LIMS1: variants seen among roughly 807,000 people sequenced by gnomAD.
LIMS1 encodes LIM zinc finger domain containing 1.
LIMS1 carries 18 observed loss-of-function variants against 44.1 expected under a neutral mutation model. The ratio of observed to expected loss-of-function variants is 0.41; its 90% CI spans 0.28 to 0.61. The LOEUF (loss-of-function observed/expected upper bound fraction) is 0.61, where lower values mean the gene tolerates loss of function less well. Ranked by LOEUF, LIMS1 falls within the 20% of genes least tolerant of loss-of-function variation. The probability of loss-of-function intolerance (pLI) is 0.32; values close to 1 mark genes in which losing one functional copy is unlikely to be tolerated. For missense variants in LIMS1, 201 were observed against 422.0 expected (o/e 0.48, Z 4.59); for synonymous variants, 93 against 149.1 (o/e 0.62, Z 2.74).
At chr2:108,642,370 T>G (rs1291248006) in intron 1 of LIMS1, among the ~76,000 whole-genome samples, 1 of 53,796 alleles carries the variant, frequency 1.9e-5, no homozygotes, top group African/African-American at 4.8e-5. Flanking sequence ...TTTTTGTTTT[T>G]TTTTTTTGAG....
chr2:108,539,173 T>G lies in LIMS1; in HGVS notation c.32+4579T>G, dbSNP rs1302603885. ...ATCATGGCTCACTGCAGCCTCAACC[T>G]CCTGGGGTCAGGTGATCCTTTCACC... On this transcript the variant is annotated intron_variant, in intron 1 of 9. Coordinates refer to ENST00000544547, the Ensembl canonical transcript of LIMS1. Among the ~76,000 whole-genome samples the G allele has an allele frequency of 2.6e-5, 4 of 152,182 alleles. No individual in the cohort carries two copies. The East Asian group carries it at 7.7e-4, about 29-fold the overall frequency.
In LIMS1 at chr2:108,607,092, C is replaced by G; in HGVS notation, c.33-52513C>G. The G allele has an allele frequency of 5.3e-6, 4 of 755,510 alleles. 1 individual carries two copies. In the South Asian group the frequency reaches 7.1e-5, roughly 13 times the overall value. The allele number at this position is 755,510 out of a possible 1,614,324, so 46.8% of individuals were successfully genotyped here. A position where few individuals can be genotyped will look rare whatever the true frequency, so the allele number is the denominator to read the frequency against. Reference sequence around the variant, plus strand: ...AGATGATTAGGTCACGAGAACAGAGCTTTCATGAATGAGATTACTGCCCTT... The same window carrying G: ...AGATGATTAGGTCACGAGAACAGAGGTTTCATGAATGAGATTACTGCCCTT... On this transcript the variant is annotated intron_variant, in intron 1 of 9. Coordinates refer to ENST00000544547, the Ensembl canonical transcript of LIMS1.
intron 1 of LIMS1, among the ~76,000 whole-genome samples, chr2:108,598,407 G>A (rs915270193): frequency 3.7e-4 from 56 of 152,320 alleles, no homozygotes; most frequent in African/African-American, 1.3e-3. Context: ...ACTTTGTATA[G>A]GCTAGGAGGA....
chr2:108,539,323 G>A (rs1431944056), intron 1 of LIMS1, among the ~76,000 whole-genome samples: 1 of 152,166 alleles, frequency 6.6e-6, no homozygotes, highest in Non-Finnish European at 1.5e-5. Context: ...GGCCTCAAGC[G>A]ATCCGCCCTT....
rs1331161732 is a variant in LIMS1 at position 108,680,961 on chromosome 2, A to G, written c.899+191A>G. 19 of 1,294,318 alleles carry G rather than the reference A, an allele frequency of 1.5e-5. 1 individual carries two copies. The highest frequency in any genetic ancestry group is 5.5e-5 in the South Asian group (3 of 54,190). The allele number at this position is 1,294,318 out of a possible 1,614,324, so 80.2% of individuals were successfully genotyped here. On this transcript the variant is annotated intron_variant, in intron 9 of 9. Transcript: ENST00000544547. Reference sequence around the variant, plus strand: ...CTTTCTTCTATTCCTTCTTTGTCCTACTCAAAGGGATAAGTTTGTTGAAAT... The same window carrying G: ...CTTTCTTCTATTCCTTCTTTGTCCTGCTCAAAGGGATAAGTTTGTTGAAAT...
chr2:108,564,189 A>G (rs1258085258), intron 1 of LIMS1, among the ~76,000 whole-genome samples: 2 of 152,188 alleles, frequency 1.3e-5, no homozygotes, highest in African/African-American at 4.8e-5. Flanking sequence ...CCTGCAAAAG[A>G]TAATGACTCG....
chr2:108,613,127 A>G (rs1169219439), intron 1 of LIMS1, among the ~76,000 whole-genome samples: 1 of 152,186 alleles, frequency 6.6e-6, no homozygotes. Flanking sequence ...TACATGCCTC[A>G]TAGGGTTGAG....
At chr2:108,627,834 G>A (rs974510831) in intron 1 of LIMS1, among the ~76,000 whole-genome samples, 1 of 152,182 alleles carries the variant, frequency 6.6e-6, no homozygotes, top group Admixed American at 6.5e-5. Context: ...TCTTTTAGAA[G>A]TAATTATTAA....
At chr2:108,613,720 G>T (rs893628058) in intron 1 of LIMS1, among the ~76,000 whole-genome samples, 15 of 152,124 alleles carry the variant, frequency 9.9e-5, no homozygotes, top group Admixed American at 6.6e-4. Flanking sequence ...GGCTCTCAGG[G>T]TGAAGAACAC....
intron 1 of LIMS1, among the ~76,000 whole-genome samples, chr2:108,564,817 C>T (rs1685241802): frequency 6.7e-6 from 1 of 150,014 alleles, no homozygotes; most frequent in Admixed American, 6.6e-5. Flanking sequence ...GAGGGAAAGA[C>T]AACACTGTAA....
At chr2:108,553,868 A>G (rs1339954732) in intron 1 of LIMS1, among the ~76,000 whole-genome samples, 2 of 152,206 alleles carry the variant, frequency 1.3e-5, no homozygotes, top group East Asian at 3.8e-4. Flanking sequence ...TGTATGGGGA[A>G]AACTGGGATT....
At chr2:108,664,728 T>G (rs1439803661) in intron 2 of LIMS1, among the ~76,000 whole-genome samples, 1 of 152,060 alleles carries the variant, frequency 6.6e-6, no homozygotes, top group Admixed American at 6.5e-5. Flanking sequence ...TTCTACACAC[T>G]GTAGAAAAGA....
chr2:108,613,854 T>G (rs1687789387), intron 1 of LIMS1, among the ~76,000 whole-genome samples: 1 of 152,040 alleles, frequency 6.6e-6, no homozygotes, highest in Admixed American at 6.5e-5. Context: ...GATCCAGTGT[T>G]TCTGTCTCAG....
intron 1 of LIMS1, among the ~76,000 whole-genome samples, chr2:108,551,578 T>C (rs1449554464): frequency 7.4e-6 from 1 of 135,488 alleles, no homozygotes; most frequent in African/African-American, 2.8e-5. Flanking sequence ...AGATTGAAAA[T>C]GATCCAAGGC....
intron 1 of LIMS1, among the ~76,000 whole-genome samples, chr2:108,574,880 A>G (rs1285972190): frequency 6.6e-6 from 1 of 152,156 alleles, no homozygotes; most frequent in Non-Finnish European, 1.5e-5. Flanking sequence ...GGAATTTACT[A>G]TATGGTTTTA....
At chr2:108,604,646 T>C (rs935532280) in intron 1 of LIMS1, among the ~76,000 whole-genome samples, 3 of 152,206 alleles carry the variant, frequency 2.0e-5, no homozygotes, top group African/African-American at 4.8e-5. Context: ...GATGGGTTTC[T>C]TGTAACTAGC....
intron 1 of LIMS1, among the ~76,000 whole-genome samples, chr2:108,658,770 G>C (rs1328111770): frequency 6.6e-6 from 1 of 152,308 alleles, no homozygotes; most frequent in Non-Finnish European, 1.5e-5. Flanking sequence ...TGACAACCTG[G>C]TGTCACTTTC....
Position 108,534,456 on chromosome 2 carries a change from G to A in LIMS1, c.-107G>A, listed in dbSNP as rs1558776537. ...GGCCCCTGGCCTTCCTCCCCTTCCT[G>A]CTCCGGGCCCGCCAGTAGCCGGCCG... is the stretch of plus-strand genomic sequence containing the variant. On this transcript the variant is annotated 5_prime_UTR_variant, in exon 1 of 10. Transcript: ENST00000544547. 4.3e-6 allele frequency: 4 copies of A among 938,382 alleles called. No homozygotes were observed. Among genetic ancestry groups the A allele is most frequent in the African/African-American group, 1.8e-5 (1 of 56,488 alleles). 58.1% of individuals were successfully genotyped at this position (938,382 alleles called of 1,614,324 possible). A position where few individuals can be genotyped will look rare whatever the true frequency, so the allele number is the denominator to read the frequency against.
intron 1 of LIMS1, among the ~76,000 whole-genome samples, chr2:108,649,806 C>T (rs1039636090): frequency 1.3e-5 from 2 of 151,948 alleles, no homozygotes; most frequent in Admixed American, 6.6e-5. Context: ...CATCACACAC[C>T]GGGGCCTGTC....
Sources: allele counts gnomAD v4.1 joint callset (sites outside exome capture counted in the v4.1 genomes callset), GRCh38; gene constraint gnomAD v4.1.1; transcripts MANE v1.5; gene names NCBI Gene and HGNC (gene_info 2026-07-23, HGNC 2026-07-21).